The following MATN2 variants were observed in gnomAD, a reference collection of about 807,000 sequenced individuals.
The protein encoded by MATN2 is matrilin 2.
A neutral mutation model predicts 103.2 loss-of-function variants in MATN2; 69 were observed. The observed-to-expected ratio is 0.67, with a 90% confidence interval of 0.55 to 0.82. The LOEUF (loss-of-function observed/expected upper bound fraction) is 0.82. MATN2 is among the 40% of genes least tolerant of loss of function. MATN2 has a pLI of 0.00. For missense variants in MATN2, 1,023 were observed against 1,211.5 expected (o/e 0.84, Z 2.31); for synonymous variants, 429 against 450.2 (o/e 0.95, Z 0.60).
chr8:97,983,538 G>C (rs530830937), intron 6 of MATN2, among the ~76,000 whole-genome samples: 1 of 152,100 alleles, frequency 6.6e-6, no homozygotes, highest in Non-Finnish European at 1.5e-5. Flanking sequence ...TGCTGGACAG[G>C]GATTCATGTC....
At chr8:97,876,751 C>T (rs1473387923) in intron 1 of MATN2, among the ~76,000 whole-genome samples, 1 of 152,104 alleles carries the variant, frequency 6.6e-6, no homozygotes, top group Non-Finnish European at 1.5e-5. Flanking sequence ...TTGCCAGCAC[C>T]CAGAATCCCC....
chr8:97,931,219 G>A lies in MATN2; in HGVS notation c.409G>A (p.Gly137Arg), dbSNP rs749129446. The part of the protein sequence containing the change: ...MRHLSTGTMT[G>R]LAIQYALNIA... Reference sequence around the variant, plus strand: ...GCATCTGTCCACGGGCACCATGACTGGGCTGGCCATCCAGTATGCCCTGAA... The same window carrying A: ...GCATCTGTCCACGGGCACCATGACTAGGCTGGCCATCCAGTATGCCCTGAA... Residue 137 changes from glycine (G) to arginine (R), a missense_variant, in exon 3 of 19, where the codon GGG becomes AGG. By Grantham distance (125) the Gly-to-Arg change is moderately radical. Coordinates refer to ENST00000254898, the MANE Select transcript of MATN2 (RefSeq NM_002380.5). This position sits in a 1 kb window ranked among gnomAD's most constrained non-coding sequence, Gnocchi z 4.1. The A allele has an allele frequency of 5.5e-5, 88 of 1,613,574 alleles. 1 individual carries two copies. The highest frequency in any genetic ancestry group is 6.9e-5 in the Non-Finnish European group (81 of 1,179,552).
chr8:98,018,140 G>C, intron 12 of MATN2, 24 bp downstream of exon 12: 1 of 1,612,880 alleles, frequency 6.2e-7, no homozygotes, highest in Non-Finnish European at 8.5e-7. Context: ...AGGTGGAGAA[G>C]AACTTTTCCC....
chr8:97,898,976 G>C lies in MATN2; in HGVS notation c.142+10734G>C, dbSNP rs545861142. 1.3e-3 allele frequency among the ~76,000 whole-genome samples: 194 copies of C among 151,662 alleles called. 1 individual carries two copies. Among genetic ancestry groups the C allele is most frequent in the African/African-American group, 4.5e-3 (188 of 41,338 alleles). On this transcript the variant is annotated intron_variant, in intron 2 of 18. Transcript: ENST00000254898. ...TCACCATGTTGGCCAGGCTGTTCTC[G>C]AACTCCTGAGCTCAAGCGATCCTCC...
intron 4 of MATN2, among the ~76,000 whole-genome samples, chr8:97,960,281 A>C (rs368529838): frequency 2.0e-5 from 3 of 152,032 alleles, no homozygotes; most frequent in Non-Finnish European, 4.4e-5. Flanking sequence ...ACCAGAGAAA[A>C]TTCTCTTTAA....
At chr8:97,983,956 T>G (rs994637429) in intron 6 of MATN2, among the ~76,000 whole-genome samples, 2 of 152,222 alleles carry the variant, frequency 1.3e-5, no homozygotes, top group South Asian at 4.1e-4. Flanking sequence ...GAAATAATTT[T>G]ATACTGAATC....
At chr8:97,876,481 G>A (rs966570981) in intron 1 of MATN2, among the ~76,000 whole-genome samples, 6 of 151,992 alleles carry the variant, frequency 3.9e-5, no homozygotes, top group East Asian at 1.9e-4. Flanking sequence ...GAGCCACCGC[G>A]CCTGGACAAT....
At chr8:97,952,199 G>C (rs1586083327) in intron 4 of MATN2, 1 of 152,196 alleles carries the variant, frequency 6.6e-6, no homozygotes, top group East Asian at 1.9e-4. Context: ...CCAGTTGAGT[G>C]AAATGGCAGC....
intron 2 of MATN2, among the ~76,000 whole-genome samples, chr8:97,914,388 T>G (rs1329366409): frequency 6.0e-5 from 4 of 66,624 alleles, no homozygotes; most frequent in African/African-American, 2.3e-4. Context: ...TTTTTTTTTT[T>G]GGAACAGGGT....
intron 5 of MATN2, among the ~76,000 whole-genome samples, chr8:97,968,542 T>C (rs1811556707): frequency 6.6e-6 from 1 of 152,234 alleles, no homozygotes; most frequent in African/African-American, 2.4e-5. Flanking sequence ...TTCCATCAGA[T>C]AGCTACCTTA....
Position 98,027,834 on chromosome 8 carries a change from T to C in MATN2, c.2356+5T>C, listed in dbSNP as rs1407110357. ...CCAGTAAAGCCAAGGCCAATGGTAA[T>C]ATGGGGTGGAGGTGCGGTTTACACC... On this transcript the variant is annotated splice_donor_5th_base_variant and intron_variant, in intron 14 of 18. Transcript: ENST00000254898. 6.4e-7 allele frequency: 1 copy of C among 1,552,722 alleles called. No individual in the cohort carries two copies. Among genetic ancestry groups the C allele is most frequent in the Non-Finnish European group, 8.7e-7 (1 of 1,152,430 alleles).
At chr8:97,902,003 A>G (rs1818997593) in intron 2 of MATN2, among the ~76,000 whole-genome samples, 1 of 152,074 alleles carries the variant, frequency 6.6e-6, no homozygotes, top group Non-Finnish European at 1.5e-5. Context: ...ATACTGAGTT[A>G]CGTTTTAATA....
intron 2 of MATN2, among the ~76,000 whole-genome samples, chr8:97,914,844 T>C (rs1275884145): frequency 6.6e-6 from 1 of 152,192 alleles, no homozygotes; most frequent in African/African-American, 2.4e-5. Context: ...CCCCAGCTTG[T>C]TGCCTGGTCA....
intron 7 of MATN2, among the ~76,000 whole-genome samples, chr8:98,002,034 C>T (rs1010209290): frequency 6.6e-6 from 1 of 152,172 alleles, no homozygotes; most frequent in Non-Finnish European, 1.5e-5. Flanking sequence ...TGATCCAGCC[C>T]AGCCAATGAG....
At chr8:97,898,373 A>G (rs1023926709) in intron 2 of MATN2, among the ~76,000 whole-genome samples, 2 of 152,092 alleles carry the variant, frequency 1.3e-5, no homozygotes, top group Non-Finnish European at 2.9e-5. Context: ...AGGTGGGTGA[A>G]TCACCTGAGA....
intron 3 of MATN2, among the ~76,000 whole-genome samples, chr8:97,932,462 C>A (rs1229298153): frequency 6.6e-6 from 1 of 152,198 alleles, no homozygotes; most frequent in Non-Finnish European, 1.5e-5. Context: ...ACTCTTTCTG[C>A]AGGAAGATGC....
intron 10 of MATN2, 133 bp from the exon 11 acceptor site, chr8:98,016,407 T>A (rs1281536970): frequency 1.3e-6 from 1 of 766,712 alleles, no homozygotes; most frequent in Non-Finnish European, 2.1e-6. Flanking sequence ...ATGCTTTATA[T>A]TCTGAAATGT....
chr8:97,931,644 G>A lies in MATN2; in HGVS notation c.712+122G>A. The A allele has an allele frequency of 1.1e-6, 1 of 934,584 alleles. No individual in the cohort carries two copies. The highest frequency in any genetic ancestry group is 1.6e-6 in the Non-Finnish European group (1 of 640,106). The allele number at this position is 934,584 out of a possible 1,614,324, so 57.9% of individuals were successfully genotyped here. A position where few individuals can be genotyped will look rare whatever the true frequency, so the allele number is the denominator to read the frequency against. On this transcript the variant is annotated intron_variant, in intron 3 of 18. Transcript: ENST00000254898. The surrounding 1 kb of genome is among the most constrained non-coding windows in gnomAD (Gnocchi z 4.1). Reference sequence around the variant, plus strand: ...GTGCTGGCAATAGGTTTTCAACAAAGGCCAAGATAAACACAACGTGCTCCA... The same window carrying A: ...GTGCTGGCAATAGGTTTTCAACAAAAGCCAAGATAAACACAACGTGCTCCA...
chr8:98,003,217 C>T (rs188868548), intron 7 of MATN2, among the ~76,000 whole-genome samples: 3 of 152,306 alleles, frequency 2.0e-5, no homozygotes, highest in East Asian at 1.9e-4. Context: ...TTTGTCTCCT[C>T]ACCCTCAGGT....
Sources: allele counts gnomAD v4.1 joint callset (sites outside exome capture counted in the v4.1 genomes callset), GRCh38; gene constraint gnomAD v4.1.1; non-coding constraint Gnocchi (gnomAD v3.1); transcripts MANE v1.5; gene names NCBI Gene and HGNC (gene_info 2026-07-23, HGNC 2026-07-21).